The following MAGI2 variants were observed in gnomAD, a reference collection of about 807,000 sequenced individuals.
MAGI2 encodes membrane-associated guanylate kinase, WW and PDZ domain-containing protein 2.
In MAGI2, 35 loss-of-function variants were observed where a neutral mutation model predicts 133.3. That is an observed-to-expected ratio of 0.26 (90% CI 0.20 to 0.35). MAGI2 has a LOEUF of 0.35. MAGI2 is among the 10% of genes least tolerant of loss of function. MAGI2 has a pLI of 1.00. For synonymous variants in MAGI2, 729 were observed against 710.6 expected (o/e 1.03, Z -0.41); for missense variants, 1,636 against 1,863.4 (o/e 0.88, Z 2.25).
intron 21 of MAGI2, among the ~76,000 whole-genome samples, chr7:78,040,806 A>G (rs778231930): frequency 1.3e-4 from 20 of 152,288 alleles, no homozygotes; most frequent in Middle Eastern, 3.4e-3. Flanking sequence ...ATGATTGTTG[A>G]CTGGCACGGA....
chr7:78,130,270 G>C (rs1821429994), intron 18 of MAGI2, among the ~76,000 whole-genome samples: 1 of 152,094 alleles, frequency 6.6e-6, no homozygotes, highest in Non-Finnish European at 1.5e-5. Flanking sequence ...GGGTGTCATG[G>C]GAAGCCAATC....
At chr7:79,077,585 A>AT (rs1221673477) in intron 1 of MAGI2, among the ~76,000 whole-genome samples, 4 of 135,276 alleles carry the variant, frequency 3.0e-5, no homozygotes, top group Non-Finnish European at 6.3e-5. Flanking sequence ...AAAAAAAAAA[A>AT]AAAAAAAAAA....
chr7:79,155,663 A>C (rs1384258930), intron 1 of MAGI2, among the ~76,000 whole-genome samples: 5 of 152,150 alleles, frequency 3.3e-5, no homozygotes, highest in African/African-American at 1.2e-4. Flanking sequence ...TTTTAGACAG[A>C]GGGTATAGCA....
chr7:78,205,402 G>A (rs2030720), intron 10 of MAGI2, among the ~76,000 whole-genome samples: 39,236 of 152,148 alleles, frequency 0.26, 5,390 homozygotes, highest in Middle Eastern at 0.36. Context: ...AAAGTGCTGG[G>A]ATTACAGATG....
chr7:78,732,436 CCTCAT>C (rs1239258083), intron 2 of MAGI2, among the ~76,000 whole-genome samples: 2 of 152,046 alleles, frequency 1.3e-5, no homozygotes, highest in South Asian at 2.1e-4. Flanking sequence ...TGATGGGTCT[CCTCAT>C]CTCATCTAGA....
At chr7:78,670,028 C>G (rs1444145947) in intron 2 of MAGI2, among the ~76,000 whole-genome samples, 1 of 151,552 alleles carries the variant, frequency 6.6e-6, no homozygotes, top group Non-Finnish European at 1.5e-5. Context: ...GGGATGCCCT[C>G]TCTCACCACT....
chr7:78,597,737 G>T (rs1200958781), intron 3 of MAGI2, among the ~76,000 whole-genome samples: 2 of 152,142 alleles, frequency 1.3e-5, no homozygotes, highest in African/African-American at 4.8e-5. Context: ...TTGCAGTAGG[G>T]ATTTGGGAAC....
At chr7:78,187,009 C>T (rs146812980) in intron 12 of MAGI2, among the ~76,000 whole-genome samples, 12 of 152,192 alleles carry the variant, frequency 7.9e-5, no homozygotes, top group Admixed American at 6.5e-5. Flanking sequence ...TAAAGATCTA[C>T]GTTAAGATAT....
intron 3 of MAGI2, among the ~76,000 whole-genome samples, chr7:78,571,721 AAAAG>A (rs1173420682): frequency 2.0e-5 from 3 of 152,004 alleles, no homozygotes; most frequent in African/African-American, 7.2e-5. Context: ...AGGAGGAAGA[AAAAG>A]AAAAAGTGGA....
chr7:78,693,913 T>C (rs1275933254), intron 2 of MAGI2, among the ~76,000 whole-genome samples: 1 of 152,198 alleles, frequency 6.6e-6, no homozygotes, highest in Non-Finnish European at 1.5e-5. Context: ...CTTAGAAAAG[T>C]GTCTGCTGCC....
chr7:78,740,186 T>C (rs1822278858), intron 2 of MAGI2, among the ~76,000 whole-genome samples: 1 of 151,608 alleles, frequency 6.6e-6, no homozygotes, highest in African/African-American at 2.4e-5. Context: ...AAAACAAATA[T>C]TGTATGATAA....
intron 2 of MAGI2, among the ~76,000 whole-genome samples, chr7:78,635,060 A>C (rs1809483373): frequency 6.6e-6 from 1 of 152,222 alleles, no homozygotes; most frequent in Non-Finnish European, 1.5e-5. Context: ...TTAATTGCTA[A>C]ATTAAGTACT....
intron 12 of MAGI2, 59 bp downstream of exon 12, chr7:78,194,815 C>T (rs1334827885): frequency 1.5e-6 from 2 of 1,376,382 alleles, no homozygotes; most frequent in African/African-American, 1.5e-5. Flanking sequence ...CTCAATATAT[C>T]TCCTGGCAGG....
chr7:78,835,054 C>T (rs1295772583), intron 2 of MAGI2, among the ~76,000 whole-genome samples: 4 of 152,296 alleles, frequency 2.6e-5, no homozygotes, highest in African/African-American at 9.6e-5. Flanking sequence ...ACAGGTATTT[C>T]TTTACAGCAG....
intron 3 of MAGI2, among the ~76,000 whole-genome samples, chr7:78,563,202 AG>A (rs1800592699): frequency 6.6e-6 from 1 of 152,324 alleles, no homozygotes; most frequent in Middle Eastern, 3.4e-3. Flanking sequence ...GCAAGATGAC[AG>A]GGCACAACTG....
chr7:78,446,008 G>A (rs1788094141), intron 6 of MAGI2, among the ~76,000 whole-genome samples: 1 of 145,458 alleles, frequency 6.9e-6, no homozygotes, highest in African/African-American at 2.5e-5. Context: ...CTCTTCTCTT[G>A]CTTTTCCAAG....
chr7:78,064,541 G>T (rs1813618715), intron 21 of MAGI2, among the ~76,000 whole-genome samples: 2 of 152,180 alleles, frequency 1.3e-5, no homozygotes, highest in Admixed American at 1.3e-4. Flanking sequence ...CAGAGAGCCA[G>T]TTTAAAAGAA....
chr7:78,496,328 G>C (rs1794081275), intron 5 of MAGI2, among the ~76,000 whole-genome samples: 1 of 152,150 alleles, frequency 6.6e-6, no homozygotes, highest in Admixed American at 6.5e-5. Flanking sequence ...AGTGTTCACT[G>C]CCGTTTGGGA....
intron 1 of MAGI2, among the ~76,000 whole-genome samples, chr7:79,452,261 C>G (rs564852082): frequency 1.6e-4 from 25 of 152,292 alleles, no homozygotes; most frequent in Non-Finnish European, 3.2e-4. Flanking sequence ...GACCCCCGCC[C>G]AGCACTAGAC....
Sources: gnomAD v4.1 joint callset for allele counts (sites outside exome capture counted in the v4.1 genomes callset) on GRCh38, gnomAD v4.1.1 for gene constraint, MANE v1.5 for transcripts, NCBI Gene and HGNC (gene_info 2026-07-23, HGNC 2026-07-21) for gene names.